The following GRM6 variants were observed in gnomAD, a reference collection of about 807,000 sequenced individuals.
The protein encoded by GRM6 is glutamate metabotropic receptor 6.
GRM6 carries 73 observed loss-of-function variants against 78.4 expected under a neutral mutation model. That is an observed-to-expected ratio of 0.93 (90% confidence interval 0.77 to 1.13). GRM6 has a LOEUF of 1.13. GRM6 is among the 50% of genes most tolerant of loss of function. The pLI, the probability that GRM6 is intolerant of heterozygous loss-of-function variation, is 0.00. For synonymous variants in GRM6, 580 were observed against 555.0 expected (o/e 1.05, Z -0.63); for missense variants, 1,251 against 1,256.4 (o/e 1.00, Z 0.07).
intron 5 of GRM6, 52 bp downstream of exon 5, chr5:178,990,540 G>T: frequency 2.1e-6 from 3 of 1,439,344 alleles, no homozygotes; most frequent in African/African-American, 1.4e-5. Context: ...ATCCCCAAGA[G>T]GGGGTGCTGG....
chr5:178,981,613 G>A lies in GRM6; in HGVS notation c.*44C>T. 1 of 1,461,472 alleles carries A rather than the reference G, an allele frequency of 6.8e-7. No individual in the cohort carries two copies. Among genetic ancestry groups the A allele is most frequent in the Non-Finnish European group, 9.6e-7 (1 of 1,042,222 alleles). The allele number at this position is 1,461,472 out of a possible 1,614,324, so 90.5% of individuals were successfully genotyped here. ...TACAGCTTCCACCTCGAGGCAAGAG[G>A]AAGAAAGGAGAGGCAGCAAGCAGTC... On this transcript the variant is annotated 3_prime_UTR_variant, in exon 11 of 11. Coordinates refer to ENST00000517717, the MANE Select transcript of GRM6 (RefSeq NM_000843.4). The surrounding 1 kb of genome is among the most constrained non-coding windows in gnomAD (Gnocchi z 5.1).
intron 9 of GRM6, chr5:178,983,618 A>C (rs1029170295): frequency 1.6e-5 from 6 of 380,520 alleles, no homozygotes; most frequent in Admixed American, 1.3e-4. Context: ...CCCTACTCGC[A>C]TCGCCTCTCT....
chr5:178,981,420 TCC>T lies in GRM6; in HGVS notation c.*235_*236del. 1 of 519,988 alleles carries T rather than the reference TCC, an allele frequency of 1.9e-6. No individual in the cohort carries two copies. Among genetic ancestry groups the T allele is most frequent in the Non-Finnish European group, 3.5e-6 (1 of 289,536 alleles). The allele number at this position is 519,988 out of a possible 1,614,324, so 32.2% of individuals were successfully genotyped here. ...AGCTAGAACCTTCTCGGTGGCTGTTTCCCACCATGGGAAGCGAGTCTGGTCTG... is the reference window on the plus strand; with the variant it reads ...AGCTAGAACCTTCTCGGTGGCTGTTTCACCATGGGAAGCGAGTCTGGTCTG... On this transcript the variant is annotated 3_prime_UTR_variant, in exon 11 of 11. Transcript: ENST00000517717. This position sits in a 1 kb window ranked among gnomAD's most constrained non-coding sequence, Gnocchi z 5.1.
In GRM6 at chr5:178,981,909, C is replaced by T; in HGVS notation, c.2437-55G>A. The T allele has an allele frequency of 9.4e-7, 1 of 1,059,490 alleles. No homozygotes were observed. The highest frequency in any genetic ancestry group is 1.5e-6 in the Non-Finnish European group (1 of 674,884). The allele number at this position is 1,059,490 out of a possible 1,614,324, so 65.6% of individuals were successfully genotyped here. On this transcript the variant is annotated intron_variant, in intron 10 of 10. Transcript: ENST00000517717. The surrounding 1 kb of genome is among the most constrained non-coding windows in gnomAD (Gnocchi z 5.1). ...ACTCAGCCCTGCTCTCCCTGCCCCGCTCCACACAGTCCTCACCACATACTC... is the reference window on the plus strand; with the variant it reads ...ACTCAGCCCTGCTCTCCCTGCCCCGTTCCACACAGTCCTCACCACATACTC...
At chr5:178,985,156 C>T in intron 9 of GRM6, 1 of 412,308 alleles carries the variant, frequency 2.4e-6, no homozygotes, top group South Asian at 1.8e-5. Flanking sequence ...GGGAGCAGGG[C>T]AGCAGAGACT....
At chr5:178,985,611 G>C (rs766015910) in intron 9 of GRM6, 13 of 356,374 alleles carry the variant, frequency 3.6e-5, no homozygotes, top group Non-Finnish European at 5.5e-5. Context: ...GCTGAGGCAG[G>C]AGAATGGCGT....
Position 178,982,904 on chromosome 5 carries a change from C to G in GRM6, c.2436+6G>C. The G allele has an allele frequency of 6.2e-7, 1 of 1,609,648 alleles. No individual in the cohort carries two copies. The highest frequency in any genetic ancestry group is 8.5e-7 in the Non-Finnish European group (1 of 1,175,940). On this transcript the variant is annotated splice_donor_region_variant and intron_variant, in intron 10 of 10. Coordinates refer to ENST00000517717, the MANE Select transcript of GRM6 (RefSeq NM_000843.4). ...AGGCAGCGAGACCTCCTGGGGACCTCATTACCTTTTCAGCTGACTGGGCAG... is the reference window on the plus strand; with the variant it reads ...AGGCAGCGAGACCTCCTGGGGACCTGATTACCTTTTCAGCTGACTGGGCAG...
At chr5:178,989,195 C>T (rs1760625079) in intron 6 of GRM6, 60 bp from the exon 7 acceptor site, 6 of 1,555,804 alleles carry the variant, frequency 3.9e-6, no homozygotes, top group East Asian at 4.7e-5. Context: ...CCCGGCCTCC[C>T]GCCTTCCCCC....
intron 9 of GRM6, 73 bp downstream of exon 9, chr5:178,986,057 T>C: frequency 7.1e-7 from 1 of 1,401,060 alleles, no homozygotes; most frequent in Non-Finnish European, 9.8e-7. Flanking sequence ...CCACTGTGCC[T>C]GGCCCTTTTG....
At chr5:178,990,035 C>T (rs555929643) in intron 5 of GRM6, 19 of 199,134 alleles carry the variant, frequency 9.5e-5, no homozygotes, top group Non-Finnish European at 1.9e-4. Flanking sequence ...GGTATATATC[C>T]CCCTAAGGCT....
chr5:178,990,339 A>C (rs573055242), intron 5 of GRM6, among the ~76,000 whole-genome samples: 23 of 152,360 alleles, frequency 1.5e-4, no homozygotes, highest in African/African-American at 5.5e-4. Flanking sequence ...TACAGGCACT[A>C]AATTAAGAAA....
chr5:178,990,632 A>T lies in GRM6; in HGVS notation c.972T>A (p.Val324=). The T allele has an allele frequency of 6.2e-7, 1 of 1,612,870 alleles. No homozygotes were observed. The highest frequency in any genetic ancestry group is 2.2e-5 in the East Asian group (1 of 44,854). ...TTTTGGGCAGGATGGTGATGGCCCC[A>T]ACGGCCACGTCCTCCAGGCTCAAGA... The part of the protein sequence containing the change: ...SPILSLEDVA[V]GAITILPKRA... The change falls in exon 5 of 11, where the codon GTT becomes GTA. Residue 324 remains valine (V), a synonymous_variant. Transcript: ENST00000517717.
In GRM6 at chr5:178,986,608, T is replaced by C. The variant is rs1179747099; in HGVS notation, c.1646A>G (p.Gln549Arg). 6 of 1,603,972 alleles carry C rather than the reference T, an allele frequency of 3.7e-6. No homozygotes were observed. The highest frequency in any genetic ancestry group is 4.2e-6 in the Non-Finnish European group (5 of 1,179,872). The change falls in exon 9 of 11, where the codon CAG becomes CGG. Residue 549 changes from glutamine to arginine, a missense_variant. Gln to Arg is a conservative substitution (Grantham distance 43, BLOSUM62 1). Transcript: ENST00000517717. ...GGCCTCGCATGTGAACTCGTCCACC[T>C]GGAAGCGGTACCCGTCACAGGCCTC... The part of the protein sequence containing the change: ...HCEACDGYRF[Q>R]VDEFTCEACP...
rs754325926 is a variant in GRM6, at chr5:178,991,412, C to T, written c.857+12G>A. ...GAGCCCCAGGGGCCCGGTGATTGTG[C>T]CACTGTCCCACCTGATGTCATCCTC... is the stretch of plus-strand genomic sequence containing the variant. On this transcript the variant is annotated intron_variant, in intron 4 of 10. Transcript: ENST00000517717. This position sits in a 1 kb window ranked among gnomAD's most constrained non-coding sequence, Gnocchi z 5.0. 3.1e-6 allele frequency: 5 copies of T among 1,613,420 alleles called. No homozygotes were observed. In the Admixed American group the frequency reaches 5.0e-5, roughly 16 times the overall value.
intron 9 of GRM6, among the ~76,000 whole-genome samples, chr5:178,983,914 G>A (rs575378845): frequency 2.6e-5 from 4 of 152,342 alleles, no homozygotes; most frequent in South Asian, 2.1e-4. Context: ...GTACGAGAGC[G>A]CCTGATTGGG....
chr5:178,992,043 C>T lies in GRM6; in HGVS notation c.545G>A (p.Ser182Asn). Residue 182 changes from serine (S) to asparagine (N), a missense_variant, in exon 3 of 11, where the codon AGC becomes AAC. Coordinates refer to ENST00000517717, the MANE Select transcript of GRM6 (RefSeq NM_000843.4). This position sits in a 1 kb window ranked among gnomAD's most constrained non-coding sequence, Gnocchi z 4.9. ...GAAGAAGTCATAGCGTGTGGAGTCGCTGAGCTCCGGGGCTGTGGAGGCATA... is the reference window on the plus strand; with the variant it reads ...GAAGAAGTCATAGCGTGTGGAGTCGTTGAGCTCCGGGGCTGTGGAGGCATA... Reference protein sequence around the residue: ...ISYASTAPELSDSTRYDFFSR... With the variant: ...ISYASTAPELNDSTRYDFFSR... The T allele has an allele frequency of 6.2e-7, 1 of 1,614,028 alleles. No homozygotes were observed. The highest frequency in any genetic ancestry group is 8.5e-7 in the Non-Finnish European group (1 of 1,179,984).
At chr5:178,994,993 G>A (rs919853346) in intron 1 of GRM6, 33 bp from the exon 2 acceptor site, 10 of 1,100,902 alleles carry the variant, frequency 9.1e-6, no homozygotes, top group Admixed American at 5.1e-5. Flanking sequence ...GGAGCGCTCT[G>A]AGGGCGGGGG....
rs1357347758 is a variant in GRM6 at position 178,979,325 on chromosome 5, TCA to T, written c.*2330_*2331del. Reference sequence around the variant, plus strand: ...GTGTGGAAAAGCCCTCTTGTGGAAGTCAGTTATTTGTGTACATCAGAAAATTC... The same window carrying T: ...GTGTGGAAAAGCCCTCTTGTGGAAGTGTTATTTGTGTACATCAGAAAATTC... On this transcript the variant is annotated 3_prime_UTR_variant, in exon 11 of 11. Coordinates refer to ENST00000517717, the MANE Select transcript of GRM6 (RefSeq NM_000843.4). 1.3e-5 allele frequency: 2 copies of T among 152,170 alleles called. No individual in the cohort carries two copies. Among genetic ancestry groups the T allele is most frequent in the African/African-American group, 4.8e-5 (2 of 41,436 alleles). 9.4% of individuals were successfully genotyped at this position (152,170 alleles called of 1,614,324 possible).
At chr5:178,987,320 G>A (rs893054371) in intron 7 of GRM6, 46 of 502,424 alleles carry the variant, frequency 9.2e-5, no homozygotes, top group Admixed American at 3.2e-4. Flanking sequence ...GTAGATACTC[G>A]AGAGACTAGA....
Sources: allele counts gnomAD v4.1 joint callset (sites outside exome capture counted in the v4.1 genomes callset), GRCh38; gene constraint gnomAD v4.1.1; non-coding constraint Gnocchi (gnomAD v3.1); transcripts MANE v1.5; gene names NCBI Gene and HGNC (gene_info 2026-07-23, HGNC 2026-07-21).